SERPINF1: variants seen among roughly 807,000 people sequenced by gnomAD.
SERPINF1 encodes the protein pigment epithelium-derived factor.
A neutral mutation model predicts 37.3 loss-of-function variants in SERPINF1; 29 were observed. The ratio of observed to expected loss-of-function variants is 0.78; its 90% confidence interval spans 0.58 to 1.06. SERPINF1 has a LOEUF of 1.06. Among genes scored for constraint, SERPINF1 ranks in the 50% least tolerant of loss-of-function variants. SERPINF1 has a pLI of 0.00. For missense variants in SERPINF1, 553 were observed against 532.2 expected, an observed-to-expected ratio of 1.04 and a Z score of -0.38; for synonymous variants, 281 against 227.9, an observed-to-expected ratio of 1.23 and a Z score of -2.10.
chr17:1,770,067 A>G lies in SERPINF1; in HGVS notation c.283+17A>G. 1 of 1,613,674 alleles carries G rather than the reference A, an allele frequency of 6.2e-7. No individual in the cohort carries two copies. The highest frequency in any genetic ancestry group is 8.5e-7 in the Non-Finnish European group (1 of 1,179,820). Reference sequence around the variant, plus strand: ...TCTCGCTGGGTGAGTGCTCAGATGCAGGAAGCCCCAGGCAGACCTGGAGAG... The same window carrying G: ...TCTCGCTGGGTGAGTGCTCAGATGCGGGAAGCCCCAGGCAGACCTGGAGAG... On this transcript the variant is annotated intron_variant, in intron 3 of 7. Transcript: ENST00000254722.
intron 3 of SERPINF1, chr17:1,770,418 C>A: frequency 2.7e-6 from 1 of 369,134 alleles, no homozygotes; most frequent in Non-Finnish European, 5.1e-6. Context: ...GCTGGGTTCA[C>A]AGGGGAACTA....
intron 6 of SERPINF1, 100 bp from the exon 7 acceptor site, chr17:1,776,432 C>T (rs1908031490): frequency 9.5e-7 from 1 of 1,047,162 alleles, no homozygotes. Flanking sequence ...AGGACGAGAC[C>T]AGGGCCCCGT....
At chr17:1,771,318 G>A (rs572635913) in intron 4 of SERPINF1, 134 bp downstream of exon 4, 21 of 887,644 alleles carry the variant, frequency 2.4e-5, no homozygotes, top group African/African-American at 1.9e-4. Flanking sequence ...GCGTGATCTC[G>A]GCTCACTGCA....
chr17:1,773,152 AGAGT>A (rs1477637001), intron 5 of SERPINF1, among the ~76,000 whole-genome samples: 30 of 152,340 alleles, frequency 2.0e-4, no homozygotes, highest in Admixed American at 5.9e-4. Flanking sequence ...GAATGTCTAT[AGAGT>A]GAGAGACTTG....
At chr17:1,776,831 G>A in intron 7 of SERPINF1, 89 bp downstream of exon 7, 2 of 1,221,500 alleles carry the variant, frequency 1.6e-6, no homozygotes, top group Non-Finnish European at 2.4e-6. Context: ...GAACGCAAGG[G>A]CTCCACAGGC....
At position 1,776,612 on chromosome 17, in the gene SERPINF1, A is replaced by T; in HGVS notation, c.867A>T (p.Ile289=). ...PLKVTQNLTL[I]EESLTSEFIH... is the part of the protein sequence containing the mutation. The stretch of plus-strand genomic sequence containing the variant: ...AAGTGACCCAGAATTTGACCTTGAT[A>T]GAGGAGAGCCTCACCTCCGAGTTCA... Residue 289 remains isoleucine, a synonymous_variant, in exon 7 of 8, where the codon ATA becomes ATT. Coordinates refer to ENST00000254722, the MANE Select transcript of SERPINF1 (RefSeq NM_002615.7). 6.2e-7 allele frequency: 1 copy of T among 1,614,068 alleles called. No individual in the cohort carries two copies. Among genetic ancestry groups the T allele is most frequent in the Admixed American group, 1.7e-5 (1 of 60,000 alleles).
At chr17:1,769,814 C>A (rs1352777642) in intron 2 of SERPINF1, 38 bp from the exon 3 acceptor site, 30 of 1,609,156 alleles carry the variant, frequency 1.9e-5, no homozygotes, top group Non-Finnish European at 2.6e-5. Context: ...CTCTGCGAGT[C>A]CCTGAACTCA....
intron 1 of SERPINF1, among the ~76,000 whole-genome samples, chr17:1,764,430 G>A (rs12603486): frequency 0.22 from 33,949 of 152,162 alleles, 3,917 homozygotes; most frequent in Middle Eastern, 0.29. Flanking sequence ...TCTGTCTTGC[G>A]CTGCAGAAAG....
chr17:1,777,553 G>C lies in SERPINF1; in HGVS notation c.*107G>C. 1 of 1,372,524 alleles carries C rather than the reference G, an allele frequency of 7.3e-7. No homozygotes were observed. Among genetic ancestry groups the C allele is most frequent in the Non-Finnish European group, 1.0e-6 (1 of 972,014 alleles). The allele number at this position is 1,372,524 out of a possible 1,614,324, so 85.0% of individuals were successfully genotyped here. A position where few individuals can be genotyped will look rare whatever the true frequency, so the allele number is the denominator to read the frequency against. ...AGGTTTCAATGCATACAATAAAAGA[G>C]CTTTATCCCTAACTTCTGTTACTTC... is the stretch of plus-strand genomic sequence containing the variant. On this transcript the variant is annotated 3_prime_UTR_variant, in exon 8 of 8. Transcript: ENST00000254722.
intron 2 of SERPINF1, among the ~76,000 whole-genome samples, chr17:1,768,302 G>A (rs912436544): frequency 1.3e-5 from 2 of 151,652 alleles, no homozygotes; most frequent in African/African-American, 2.4e-5. Context: ...GTGGTGGGGG[G>A]CGCCTGTAGT....
chr17:1,768,430 C>CAAAAAAAA (rs71150813), intron 2 of SERPINF1, among the ~76,000 whole-genome samples: 7 of 91,774 alleles, frequency 7.6e-5, no homozygotes, highest in African/African-American at 2.2e-4. Context: ...GACTCCGTCT[C>CAAAAAAAA]AAAAAAAAAA....
At chr17:1,766,567 T>TATAAATAAATAA (rs56041246) in intron 1 of SERPINF1, 5,330 of 145,392 alleles carry the variant, frequency 0.037, 215 homozygotes, top group African/African-American at 0.098. Context: ...AAAAATAAAA[T>TATAAATAAATAA]ATAAATAAAT....
chr17:1,774,387 G>A (rs1597354620), intron 5 of SERPINF1, among the ~76,000 whole-genome samples: 1 of 152,126 alleles, frequency 6.6e-6, no homozygotes, highest in Admixed American at 6.5e-5. Context: ...GTAGAGATGG[G>A]GTTTCGCCAT....
intron 5 of SERPINF1, among the ~76,000 whole-genome samples, chr17:1,774,810 C>T (rs537848934): frequency 6.6e-6 from 1 of 152,256 alleles, no homozygotes; most frequent in East Asian, 1.9e-4. Flanking sequence ...ACAATCTAGA[C>T]TCTAATCAAC....
Position 1,777,393 on chromosome 17 carries a change from G to A in SERPINF1, c.1204G>A (p.Asp402Asn). The A allele has an allele frequency of 6.2e-7, 1 of 1,614,108 alleles. No individual in the cohort carries two copies. The highest frequency in any genetic ancestry group is 2.2e-5 in the East Asian group (1 of 44,874). ...QPFIFVLRDT[D>N]TGALLFIGKI... ...TTTCATCTTCGTACTGAGGGACACA[G>A]ACACAGGGGCCCTTCTCTTCATTGG... The change falls in exon 8 of 8, where the codon GAC (aspartate) becomes AAC (asparagine). Residue 402 changes from aspartate to asparagine, a missense_variant. By Grantham distance (23) the Asp-to-Asn change is conservative. Transcript: ENST00000254722.
At position 1,766,949 on chromosome 17, in the gene SERPINF1, C is replaced by T. The variant is rs1215394254; in HGVS notation, c.39C>T (p.Leu13=). The change falls in exon 2 of 8, where the codon CTC becomes CTT. Residue 13 remains leucine (L), a synonymous_variant. Coordinates refer to ENST00000254722, the MANE Select transcript of SERPINF1 (RefSeq NM_002615.7). ...TGCTACTCCTCTGCATTGGAGCCCT[C>T]CTCGGGCACAGCAGCTGCCAGAACC... The part of the protein sequence containing the change: ...ALVLLLCIGA[L]LGHSSCQNPA... 1 of 1,565,044 alleles carries T rather than the reference C, an allele frequency of 6.4e-7. No homozygotes were observed. Among genetic ancestry groups the T allele is most frequent in the East Asian group, 2.4e-5 (1 of 42,272 alleles).
Position 1,771,280 on chromosome 17 carries a change from G to A in SERPINF1, c.439+96G>A, listed in dbSNP as rs1232306202. Reference sequence around the variant, plus strand: ...TTTTTTTTTTTTGAGACGGAGTCTCGCTCTGTTGCCCAGGCTGGAGTGCAG... The same window carrying A: ...TTTTTTTTTTTTGAGACGGAGTCTCACTCTGTTGCCCAGGCTGGAGTGCAG... On this transcript the variant is annotated intron_variant, in intron 4 of 7. Coordinates refer to ENST00000254722, the MANE Select transcript of SERPINF1 (RefSeq NM_002615.7). 1.4e-3 allele frequency: 1,815 copies of A among 1,289,780 alleles called. 3 individuals are homozygous for A. The highest frequency in any genetic ancestry group is 1.8e-3 in the Non-Finnish European group (1,679 of 954,074). 79.9% of individuals were successfully genotyped at this position (1,289,780 alleles called of 1,614,324 possible).
At position 1,775,049 on chromosome 17, in the gene SERPINF1, T is replaced by C. The variant is rs1907941318; in HGVS notation, c.644-9T>C. On this transcript the variant is annotated splice_polypyrimidine_tract_variant and intron_variant, in intron 5 of 7. Coordinates refer to ENST00000254722, the MANE Select transcript of SERPINF1 (RefSeq NM_002615.7). ...TGGGGCTCAGACTATGTCATACACTTCTTTCCAGGGCAGTGGGTAACAAAG... is the reference window on the plus strand; with the variant it reads ...TGGGGCTCAGACTATGTCATACACTCCTTTCCAGGGCAGTGGGTAACAAAG... 6.2e-7 allele frequency: 1 copy of C among 1,614,096 alleles called. No homozygotes were observed. The highest frequency in any genetic ancestry group is 2.2e-5 in the East Asian group (1 of 44,876).
intron 5 of SERPINF1, among the ~76,000 whole-genome samples, chr17:1,772,437 G>A (rs766435193): frequency 4.8e-4 from 73 of 151,978 alleles, no homozygotes; most frequent in Non-Finnish European, 8.2e-4. Flanking sequence ...TAAATTAAGA[G>A]ACAAGGTGTT....
Sources: gnomAD v4.1 joint callset for allele counts (sites outside exome capture counted in the v4.1 genomes callset) on GRCh38, gnomAD v4.1.1 for gene constraint, MANE v1.5 for transcripts, NCBI Gene and HGNC (gene_info 2026-07-23, HGNC 2026-07-21) for gene names.